Variants in JMJD1C observed in about 807,000 individuals in gnomAD.
JMJD1C encodes jumonji domain containing 1C.
In JMJD1C, 31 loss-of-function variants were observed where a neutral mutation model predicts 245.3. That is an observed-to-expected ratio of 0.13 (90% CI 0.09 to 0.17). JMJD1C has a LOEUF of 0.17. JMJD1C is among the 10% of genes least tolerant of loss of function. JMJD1C has a pLI of 1.00. For missense variants in JMJD1C, 2,691 were observed against 3,000.2 expected, an observed-to-expected ratio of 0.90 and a Z score of 2.41; for synonymous variants, 1,057 against 1,017.4, an observed-to-expected ratio of 1.04 and a Z score of -0.74.
intron 2 of JMJD1C, among the ~76,000 whole-genome samples, chr10:63,311,635 G>GA (rs956801117): frequency 2.6e-5 from 4 of 152,028 alleles, no homozygotes; most frequent in African/African-American, 7.2e-5. Context: ...AAATCATTCT[G>GA]AAAAAAATAC....
chr10:63,296,013 A>ATATATATTTT (rs71025149), intron 2 of JMJD1C, among the ~76,000 whole-genome samples: 2 of 84,284 alleles, frequency 2.4e-5, no homozygotes, highest in African/African-American at 8.3e-5. Context: ...GTATATATAT[A>ATATATATTTT]TTTTTTTTTT....
chr10:63,215,303 C>G lies in JMJD1C; in HGVS notation c.975G>C (p.Glu325Asp). The G allele has an allele frequency of 6.2e-7, 1 of 1,612,934 alleles. No homozygotes were observed. Among genetic ancestry groups the G allele is most frequent in the East Asian group, 2.2e-5 (1 of 44,862 alleles). Residue 325 changes from glutamate (E) to aspartate (D), a missense_variant, in exon 7 of 26, where the codon GAG becomes GAC. Glu to Asp is a conservative substitution (Grantham distance 45). Transcript: ENST00000399262. ...AATCATATTTTTCCTCCTTCATCTT[C>G]TCTTCATCTGGTATACTGCTATCTG... ...KGSDSSIPDE[E>D]KMKEEKYDYI...
rs149522635 is a variant in JMJD1C at position 63,308,051 on chromosome 10, G to C, written c.334-43287C>G. Among the ~76,000 whole-genome samples the C allele has an allele frequency of 3.2e-3, 482 of 152,120 alleles. 2 individuals are homozygous for C. Among genetic ancestry groups the C allele is most frequent in the African/African-American group, 0.011 (468 of 41,484 alleles). On this transcript the variant is annotated intron_variant, in intron 2 of 25. Coordinates refer to ENST00000399262, the MANE Select transcript of JMJD1C (RefSeq NM_032776.3). ...TGCCTGTAATACCACCTACTCAGGA[G>C]ACTGACGCAGAATCATTTGAACCCA...
At chr10:63,474,448 T>C (rs1953595448) in intron 1 of JMJD1C, among the ~76,000 whole-genome samples, 1 of 151,976 alleles carries the variant, frequency 6.6e-6, no homozygotes, top group Non-Finnish European at 1.5e-5. Flanking sequence ...AACACCTTTT[T>C]TTTTTGTTTT....
chr10:63,434,766 A>G (rs1206667075), intron 1 of JMJD1C, among the ~76,000 whole-genome samples: 3 of 152,206 alleles, frequency 2.0e-5, no homozygotes, highest in Non-Finnish European at 4.4e-5. Flanking sequence ...GCTTTTAAGA[A>G]GCTACACAAA....
At chr10:63,293,079 T>A (rs1341625167) in intron 2 of JMJD1C, among the ~76,000 whole-genome samples, 1 of 152,114 alleles carries the variant, frequency 6.6e-6, no homozygotes, top group East Asian at 1.9e-4. Context: ...AACCATTGCC[T>A]ACAACCAACC....
At chr10:63,328,937 G>A (rs958290348) in intron 2 of JMJD1C, among the ~76,000 whole-genome samples, 2 of 152,104 alleles carry the variant, frequency 1.3e-5, no homozygotes, top group Non-Finnish European at 2.9e-5. Flanking sequence ...AGTGGCAGTG[G>A]AACTTGTGAA....
intron 21 of JMJD1C, 98 bp downstream of exon 21, chr10:63,184,510 C>T (rs1373431682): frequency 1.9e-6 from 2 of 1,035,138 alleles, no homozygotes; most frequent in Non-Finnish European, 2.8e-6. Flanking sequence ...CCAAAGAGTG[C>T]TGGGATTGCA....
intron 1 of JMJD1C, chr10:63,427,619 T>TG: frequency 7.9e-6 from 11 of 1,387,310 alleles, no homozygotes; most frequent in Non-Finnish European, 1.0e-5. Flanking sequence ...CTGATGGTGG[T>TG]GGAGAAACAG....
At chr10:63,268,616 G>GT in intron 2 of JMJD1C, 1 of 778,510 alleles carries the variant, frequency 1.3e-6, no homozygotes, top group Non-Finnish European at 1.6e-6. Context: ...AAAACCAAAT[G>GT]TAAATTAAGA....
intron 3 of JMJD1C, among the ~76,000 whole-genome samples, chr10:63,248,564 A>AAATG (rs1554854355): frequency 1.9e-4 from 28 of 151,282 alleles, no homozygotes; most frequent in African/African-American, 4.4e-4. Flanking sequence ...ATAAATAAAT[A>AAATG]AATGACAGGG....
At chr10:63,333,843 G>C (rs1942415960) in intron 2 of JMJD1C, among the ~76,000 whole-genome samples, 1 of 151,992 alleles carries the variant, frequency 6.6e-6, no homozygotes, top group Non-Finnish European at 1.5e-5. Context: ...ATTTCACCTT[G>C]ATATAATTTC....
chr10:63,478,159 T>C (rs1953720817), intron 1 of JMJD1C, among the ~76,000 whole-genome samples: 2 of 152,156 alleles, frequency 1.3e-5, no homozygotes, highest in Admixed American at 6.5e-5. Context: ...TAAAGGAAGA[T>C]GAGGAACAAT....
At chr10:63,279,605 A>G (rs1857179368) in intron 2 of JMJD1C, among the ~76,000 whole-genome samples, 2 of 152,164 alleles carry the variant, frequency 1.3e-5, no homozygotes, top group South Asian at 4.1e-4. Context: ...TCTACAACAA[A>G]AAAAAATTTT....
intron 1 of JMJD1C, among the ~76,000 whole-genome samples, chr10:63,402,311 C>A (rs1348793224): frequency 1.3e-5 from 2 of 151,938 alleles, no homozygotes; most frequent in Admixed American, 1.3e-4. Flanking sequence ...AGTACATTTA[C>A]GAAGAATACT....
intron 1 of JMJD1C, among the ~76,000 whole-genome samples, chr10:63,454,967 T>G (rs1463185969): frequency 6.6e-6 from 1 of 152,172 alleles, no homozygotes; most frequent in Non-Finnish European, 1.5e-5. Context: ...GTTCCTGTTG[T>G]ATTGTATCGC....
intron 1 of JMJD1C, among the ~76,000 whole-genome samples, chr10:63,502,934 T>C (rs1420259647): frequency 6.6e-6 from 1 of 152,204 alleles, no homozygotes; most frequent in Non-Finnish European, 1.5e-5. Context: ...TAACAATTAC[T>C]GAGCACATAC....
At chr10:63,222,422 G>C (rs1240556515) in intron 3 of JMJD1C, 1 of 919,094 alleles carries the variant, frequency 1.1e-6, no homozygotes, top group East Asian at 2.4e-5. Flanking sequence ...GAATAACCCT[G>C]ATCTTTACTT....
intron 2 of JMJD1C, among the ~76,000 whole-genome samples, chr10:63,367,150 G>C (rs907190519): frequency 1.3e-5 from 2 of 152,174 alleles, no homozygotes; most frequent in Non-Finnish European, 2.9e-5. Context: ...ACTCTCAGAG[G>C]TTGAGTGGAC....
Sources: allele counts gnomAD v4.1 joint callset (sites outside exome capture counted in the v4.1 genomes callset), GRCh38; gene constraint gnomAD v4.1.1; transcripts MANE v1.5; gene names NCBI Gene and HGNC (gene_info 2026-07-23, HGNC 2026-07-21).